The following ASPM variants were observed in gnomAD, a reference collection of about 807,000 sequenced individuals.
ASPM encodes abnormal spindle-like microcephaly-associated protein.
In ASPM, 256 loss-of-function variants were observed where a neutral mutation model predicts 366.4. The ratio of observed to expected loss-of-function variants is 0.70; its 90% confidence interval spans 0.63 to 0.77. The LOEUF is 0.77. ASPM is among the 30% of genes least tolerant of loss of function. The pLI is 0.00. For synonymous variants in ASPM, 1,414 were observed against 1,342.9 expected (o/e 1.05, Z -1.16); for missense variants, 4,146 against 4,090.4 (o/e 1.01, Z -0.37).
At chr1:197,090,173 T>C (rs1385872749) in intron 24 of ASPM, 23 bp downstream of exon 24, 5 of 1,612,690 alleles carry the variant, frequency 3.1e-6, no homozygotes, top group Non-Finnish European at 4.2e-6. Context: ...CATCATTCTT[T>C]AAACATGTTA....
intron 4 of ASPM, among the ~76,000 whole-genome samples, chr1:197,137,005 A>T (rs1392768001): frequency 1.3e-5 from 2 of 152,170 alleles, no homozygotes; most frequent in African/African-American, 4.8e-5. Flanking sequence ...AACCCTATGG[A>T]TCATACTATT....
chr1:197,131,326 T>C (rs1357573042), intron 7 of ASPM, among the ~76,000 whole-genome samples: 2 of 152,176 alleles, frequency 1.3e-5, no homozygotes, highest in Non-Finnish European at 2.9e-5. Context: ...GAAAGCATAC[T>C]AGCAAAAAAC....
chr1:197,140,047 T>C (rs1207151881), intron 3 of ASPM, among the ~76,000 whole-genome samples, 176 bp from the exon 4 acceptor site: 1 of 152,170 alleles, frequency 6.6e-6, no homozygotes, highest in Non-Finnish European at 1.5e-5. Flanking sequence ...CAAACCAACA[T>C]CCAGAAGTCA....
intron 26 of ASPM, among the ~76,000 whole-genome samples, chr1:197,087,502 T>C (rs1656633425): frequency 6.6e-6 from 1 of 152,210 alleles, no homozygotes; most frequent in South Asian, 2.1e-4. Flanking sequence ...AGTTGCATAC[T>C]TAACTCCACA....
Position 197,104,319 on chromosome 1 carries a change from T to G in ASPM, c.4932A>C (p.Arg1644Ser). 1 of 1,613,120 alleles carries G rather than the reference T, an allele frequency of 6.2e-7. No individual in the cohort carries two copies. The highest frequency in any genetic ancestry group is 8.5e-7 in the Non-Finnish European group (1 of 1,179,462). Reference sequence around the variant, plus strand: ...TATACATTTTCCTGGCTTGCATCCCTCTATATGCAGACTGCAGCACAATGA... The same window carrying G: ...TATACATTTTCCTGGCTTGCATCCCGCTATATGCAGACTGCAGCACAATGA... ...SAVIVLQSAY[R>S]GMQARKMYIH... Residue 1644 changes from arginine (R) to serine (S), a missense_variant, in exon 18 of 28, where the codon AGA (arginine) becomes AGC (serine). By Grantham distance (110) the Arg-to-Ser change is moderately radical. Coordinates refer to ENST00000367409, the MANE Select transcript of ASPM (RefSeq NM_018136.5).
At position 197,104,624 on chromosome 1, in the gene ASPM, G is replaced by A; in HGVS notation, c.4627C>T (p.Gln1543Ter). ...NYLQKRAAAI[Q>*]LQAAFRRLKA... is the part of the protein sequence containing the mutation. ...AGTCTCCTAAAAGCAGCTTGTAATT[G>A]AATGGCTGCAGCTCGTTTCTGCAAA... The change falls in exon 18 of 28, where the codon CAA becomes TAA. Residue 1543 changes from glutamine (Q) to a stop codon, truncating the protein, a stop_gained. Coordinates refer to ENST00000367409, the MANE Select transcript of ASPM (RefSeq NM_018136.5). LOFTEE classifies it high-confidence loss of function. 6.2e-7 allele frequency: 1 copy of A among 1,612,952 alleles called. No homozygotes were observed. Among genetic ancestry groups the A allele is most frequent in the Non-Finnish European group, 8.5e-7 (1 of 1,179,384 alleles).
Position 197,084,157 on chromosome 1 carries a change from C to G in ASPM, c.*167G>C. The G allele has an allele frequency of 1.6e-6, 1 of 609,878 alleles. No individual in the cohort carries two copies. The highest frequency in any genetic ancestry group is 2.9e-6 in the Non-Finnish European group (1 of 345,700). 37.8% of individuals were successfully genotyped at this position (609,878 alleles called of 1,614,324 possible). On this transcript the variant is annotated 3_prime_UTR_variant, in exon 28 of 28. Coordinates refer to ENST00000367409, the MANE Select transcript of ASPM (RefSeq NM_018136.5). ...TTATGACATATTAGTTTATTACATGCATAAAACTATAAATGATAAAAATGA... is the reference window on the plus strand; with the variant it reads ...TTATGACATATTAGTTTATTACATGGATAAAACTATAAATGATAAAAATGA...
chr1:197,113,995 T>C (rs1432576395), intron 17 of ASPM, among the ~76,000 whole-genome samples: 2 of 152,120 alleles, frequency 1.3e-5, no homozygotes, highest in African/African-American at 2.4e-5. Context: ...TGGTGGGTTT[T>C]AAATCTTTAC....
rs183194649 is a variant in ASPM, at chr1:197,139,971, T to C, written c.1922-100A>G. 2,277 of 803,402 alleles carry C rather than the reference T, an allele frequency of 2.8e-3. 8 individuals carry two copies. Among genetic ancestry groups the C allele is most frequent in the Non-Finnish European group, 4.0e-3 (1,888 of 477,262 alleles). The allele number at this position is 803,402 out of a possible 1,614,324, so 49.8% of individuals were successfully genotyped here. A position where few individuals can be genotyped will look rare whatever the true frequency, so the allele number is the denominator to read the frequency against. ...AAAGTTTGGGTTCTTCACAATCATA[T>C]TCATTTAGCAAACACTTAATAACCA... On this transcript the variant is annotated intron_variant, in intron 3 of 27. Transcript: ENST00000367409.
intron 10 of ASPM, 45 bp from the exon 11 acceptor site, chr1:197,125,236 T>C (rs1658055484): frequency 2.5e-6 from 4 of 1,604,656 alleles, no homozygotes; most frequent in Non-Finnish European, 3.4e-6. Flanking sequence ...TAAAAACGTA[T>C]ATGAAAAAAC....
chr1:197,084,323 A>G lies in ASPM; in HGVS notation c.*1T>C, dbSNP rs747259341. Reference sequence around the variant, plus strand: ...ATACATACTGAAAATGTTTACATTTACTAATAAGGAATGCCAAGCGTATCC... The same window carrying G: ...ATACATACTGAAAATGTTTACATTTGCTAATAAGGAATGCCAAGCGTATCC... On this transcript the variant is annotated 3_prime_UTR_variant, in exon 28 of 28. Coordinates refer to ENST00000367409, the MANE Select transcript of ASPM (RefSeq NM_018136.5). The G allele has an allele frequency of 6.3e-7, 1 of 1,596,094 alleles. No homozygotes were observed. The highest frequency in any genetic ancestry group is 8.6e-7 in the Non-Finnish European group (1 of 1,164,226).
At chr1:197,118,598 G>A (rs918748850) in intron 16 of ASPM, among the ~76,000 whole-genome samples, 4 of 152,072 alleles carry the variant, frequency 2.6e-5, no homozygotes, top group African/African-American at 7.2e-5. Flanking sequence ...ATCTCTACTT[G>A]TTACTTCTGA....
chr1:197,123,939 T>C (rs1657996295), intron 13 of ASPM, among the ~76,000 whole-genome samples, 171 bp downstream of exon 13: 1 of 152,168 alleles, frequency 6.6e-6, no homozygotes, highest in African/African-American at 2.4e-5. Flanking sequence ...CAATTGGTGA[T>C]AGATTAGATG....
chr1:197,102,115 T>G lies in ASPM; in HGVS notation c.7136A>C (p.Gln2379Pro). 6.2e-7 allele frequency: 1 copy of G among 1,613,008 alleles called. No homozygotes were observed. Among genetic ancestry groups the G allele is most frequent in the Non-Finnish European group, 8.5e-7 (1 of 1,179,296 alleles). Residue 2379 changes from glutamine to proline, a missense_variant, in exon 18 of 28, where the codon CAG (glutamine) becomes CCG (proline). Transcript: ENST00000367409. ...QANRAAKLQR[Q>P]HYLRQRHSAV... The stretch of plus-strand genomic sequence containing the variant: ...AGAGTGTCTTTGTCTGAGATAATGC[T>G]GCCTCTGCAGTTTTGCAGCTCTATT...
At chr1:197,110,456 TAA>T (rs1657548008) in intron 17 of ASPM, among the ~76,000 whole-genome samples, 5 of 152,070 alleles carry the variant, frequency 3.3e-5, no homozygotes, top group Admixed American at 3.3e-4. Context: ...TGAAAAATTA[TAA>T]AACTTTTAGA....
chr1:197,130,195 T>A (rs1658217534), intron 7 of ASPM, 139 bp from the exon 8 acceptor site: 3 of 875,454 alleles, frequency 3.4e-6, no homozygotes, highest in Non-Finnish European at 5.4e-6. Context: ...GCTAAATAAC[T>A]TCTTTAAACT....
intron 16 of ASPM, among the ~76,000 whole-genome samples, chr1:197,121,115 T>A (rs1436867883): frequency 6.6e-6 from 1 of 152,152 alleles, no homozygotes; most frequent in African/African-American, 2.4e-5. Flanking sequence ...TTACCAGGCA[T>A]GGATGCTTGT....
At chr1:197,116,686 C>G (rs890602376) in intron 17 of ASPM, among the ~76,000 whole-genome samples, 3 of 151,918 alleles carry the variant, frequency 2.0e-5, no homozygotes, top group Admixed American at 2.0e-4. Flanking sequence ...AACTGGAAAG[C>G]CAAATGTTCA....
chr1:197,104,814 T>C lies in ASPM; in HGVS notation c.4437A>G (p.Lys1479=). 1 of 1,580,402 alleles carries C rather than the reference T, an allele frequency of 6.3e-7. No individual in the cohort carries two copies. The highest frequency in any genetic ancestry group is 8.6e-7 in the Non-Finnish European group (1 of 1,166,516). Reference sequence around the variant, plus strand: ...TAATATAAATATATTTCCGTAATTCTTTATGCATTCTATACCATGATTGTA... The same window carrying C: ...TAATATAAATATATTTCCGTAATTCCTTATGCATTCTATACCATGATTGTA... ...IIIQSWYRMH[K]ELRKYIYIRS... Residue 1479 remains lysine, a synonymous_variant, in exon 18 of 28, where the codon AAA becomes AAG. Coordinates refer to ENST00000367409, the MANE Select transcript of ASPM (RefSeq NM_018136.5).
Sources: gnomAD v4.1 joint callset for allele counts (sites outside exome capture counted in the v4.1 genomes callset) on GRCh38, gnomAD v4.1.1 for gene constraint, MANE v1.5 for transcripts, NCBI Gene and HGNC (gene_info 2026-07-23, HGNC 2026-07-21) for gene names.